Variants in POLR3C observed in about 807,000 individuals in gnomAD.
POLR3C encodes the protein RNA polymerase III subunit C.
Under a neutral mutation model 65.9 loss-of-function variants are expected in POLR3C, and 44 were observed. The ratio of observed to expected loss-of-function variants is 0.67; its 90% CI spans 0.52 to 0.86. The LOEUF is 0.86. Among genes scored for constraint, POLR3C ranks in the 40% least tolerant of loss-of-function variants. The probability of loss-of-function intolerance (pLI) is 0.00; values close to 1 mark genes in which losing one functional copy is unlikely to be tolerated. For synonymous variants in POLR3C, 263 were observed against 231.6 expected (o/e 1.14, Z -1.23); for missense variants, 576 against 653.2 (o/e 0.88, Z 1.29).
chr1:145,833,668 G>T, intron 7 of POLR3C, 86 bp downstream of exon 7: 1 of 898,078 alleles, frequency 1.1e-6, no homozygotes, highest in Admixed American at 1.7e-5. Flanking sequence ...AGTTTGGGTT[G>T]AGGTCTGAGC....
At chr1:145,835,783 A>G (rs962781722) in intron 7 of POLR3C, among the ~76,000 whole-genome samples, 2 of 152,144 alleles carry the variant, frequency 1.3e-5, no homozygotes, top group Non-Finnish European at 2.9e-5. Context: ...TGTGTTGGCC[A>G]GGCTGGTCTC....
chr1:145,826,041 C>A (rs1015139504), intron 2 of POLR3C, 118 bp downstream of exon 2: 7 of 781,630 alleles, frequency 9.0e-6, no homozygotes, highest in South Asian at 8.8e-5. Context: ...GCCCTTGGAG[C>A]AGAACAATGT....
rs781870762 is a variant in POLR3C at position 145,833,283 on chromosome 1, T to C, written c.702T>C (p.Tyr234=). The change falls in exon 6 of 15, where the codon TAT becomes TAC. Residue 234 remains tyrosine (Y), a synonymous_variant. Transcript: ENST00000334163. ...AGCCCATTCCAGATGATGGGATTTA[T>C]TGGCAGGCCAACCTTGACAGATTCC... is the stretch of plus-strand genomic sequence containing the variant. ...NKEPIPDDGI[Y]WQANLDRFHQ... 2.5e-6 allele frequency: 4 copies of C among 1,612,424 alleles called. No individual in the cohort carries two copies. The highest frequency in any genetic ancestry group is 3.4e-6 in the Non-Finnish European group (4 of 1,178,596).
At position 145,844,337 on chromosome 1, in the gene POLR3C, T is replaced by C. The variant is rs1049531549; in HGVS notation, c.*1917T>C. Reference sequence around the variant, plus strand: ...ATAAGAATGAATGAAATCCTGTCATTGGCAGCAACATGGATGGAATTGGAG... The same window carrying C: ...ATAAGAATGAATGAAATCCTGTCATCGGCAGCAACATGGATGGAATTGGAG... On this transcript the variant is annotated 3_prime_UTR_variant, in exon 15 of 15. Transcript: ENST00000334163. Among the ~76,000 whole-genome samples the C allele has an allele frequency of 4.6e-5, 7 of 152,202 alleles. No homozygotes were observed. Among genetic ancestry groups the C allele is most frequent in the African/African-American group, 1.2e-4 (5 of 41,442 alleles).
chr1:145,844,165 A>AT lies in POLR3C; in HGVS notation c.*1746dup, dbSNP rs1553731482. ...AGCAGTTCCACTACTGGGTATATAT[A>AT]TATCTCCAAAAGGAAAGAAATCAAT... On this transcript the variant is annotated 3_prime_UTR_variant, in exon 15 of 15. Coordinates refer to ENST00000334163, the MANE Select transcript of POLR3C (RefSeq NM_006468.8). Among the ~76,000 whole-genome samples, 2 of 152,212 alleles carry AT rather than the reference A, an allele frequency of 1.3e-5. No homozygotes were observed. Among genetic ancestry groups the AT allele is most frequent in the Non-Finnish European group, 2.9e-5 (2 of 68,034 alleles).
At chr1:145,833,003 C>G (rs587766895) in intron 5 of POLR3C, among the ~76,000 whole-genome samples, 1 of 151,950 alleles carries the variant, frequency 6.6e-6, no homozygotes, top group Non-Finnish European at 1.5e-5. Flanking sequence ...GCCTGGGTGA[C>G]GAGCAAAACT....
intron 5 of POLR3C, among the ~76,000 whole-genome samples, chr1:145,830,565 C>G (rs1033915306): frequency 6.7e-6 from 1 of 149,094 alleles, no homozygotes; most frequent in Non-Finnish European, 1.5e-5. Flanking sequence ...TTTGGGAGGC[C>G]GAGGTAGGTG....
chr1:145,826,867 C>A lies in POLR3C; in HGVS notation c.451C>A (p.Leu151Met). 1 of 1,612,216 alleles carries A rather than the reference C, an allele frequency of 6.2e-7. No individual in the cohort carries two copies. The highest frequency in any genetic ancestry group is 8.5e-7 in the Non-Finnish European group (1 of 1,179,294). The change falls in exon 4 of 15, where the codon CTG (leucine) becomes ATG (methionine). Residue 151 changes from leucine to methionine, a missense_variant. Coordinates refer to ENST00000334163, the MANE Select transcript of POLR3C (RefSeq NM_006468.8). ...YAEVSNTFVR[L>M]ADTHFVQRCP... ...TGAAGTATCAAACACATTTGTGCGA[C>A]TGGCAGACACACACTTTGTACAACG...
chr1:145,824,311 C>G lies in POLR3C; in HGVS notation c.-79C>G. 1 of 310,658 alleles carries G rather than the reference C, an allele frequency of 3.2e-6. No homozygotes were observed. Among genetic ancestry groups the G allele is most frequent in the South Asian group, 2.5e-5 (1 of 40,060 alleles). The allele number at this position is 310,658 out of a possible 1,614,324, so 19.2% of individuals were successfully genotyped here. A position where few individuals can be genotyped will look rare whatever the true frequency, so the allele number is the denominator to read the frequency against. ...GAAGGCCAGCGGGAGCCGTAGGAAG[C>G]CGTCGCGGGAAGCTCAGCCGAATTG... On this transcript the variant is annotated 5_prime_UTR_variant, in exon 1 of 15. Transcript: ENST00000334163.
At chr1:145,837,205 G>T (rs587774018) in intron 9 of POLR3C, among the ~76,000 whole-genome samples, 2 of 152,250 alleles carry the variant, frequency 1.3e-5, no homozygotes, top group East Asian at 3.9e-4. Context: ...TCCTCAGGAG[G>T]CTGAGGTGGG....
intron 4 of POLR3C, 97 bp from the exon 5 acceptor site, chr1:145,828,652 C>T: frequency 3.6e-6 from 3 of 841,430 alleles, no homozygotes; most frequent in Admixed American, 1.8e-5. Context: ...GAGGCAGCTA[C>T]AGATGTCTTT....
intron 4 of POLR3C, among the ~76,000 whole-genome samples, chr1:145,827,798 T>A (rs1650909412): frequency 6.8e-6 from 1 of 146,104 alleles, no homozygotes; most frequent in Admixed American, 6.8e-5. Flanking sequence ...TATGGTGGCA[T>A]ACGCCTGTAA....
chr1:145,843,960 A>C lies in POLR3C; in HGVS notation c.*1540A>C, dbSNP rs1553731417. 6.6e-6 allele frequency among the ~76,000 whole-genome samples: 1 copy of C among 152,234 alleles called. No homozygotes were observed. Among genetic ancestry groups the C allele is most frequent in the Non-Finnish European group, 1.5e-5 (1 of 68,042 alleles). On this transcript the variant is annotated 3_prime_UTR_variant, in exon 15 of 15. Transcript: ENST00000334163. ...CACTAATCAGAGAAATGGAAATCAA[A>C]ATCAATGAGATAACATCTCACCCCA...
In POLR3C at chr1:145,836,505, C is replaced by T; in HGVS notation, c.888C>T (p.Ser296=). Reference sequence around the variant, plus strand: ...CCTTTGCTCCATAGATCTTCAGATCCCTACCTGTTGGCTATAACATCTCTA... The same window carrying T: ...CCTTTGCTCCATAGATCTTCAGATCTCTACCTGTTGGCTATAACATCTCTA... ...QPLSSNEIFR[S]LPVGYNISKQ... is the part of the protein sequence containing the mutation. The change falls in exon 8 of 15, where the codon TCC becomes TCT. Residue 296 remains serine (S), a synonymous_variant. Transcript: ENST00000334163. 1 of 1,593,534 alleles carries T rather than the reference C, an allele frequency of 6.3e-7. No individual in the cohort carries two copies. The highest frequency in any genetic ancestry group is 1.3e-5 in the African/African-American group (1 of 74,642).
Position 145,842,700 on chromosome 1 carries a change from A to G in POLR3C, c.*280A>G, listed in dbSNP as rs1443154356. ...TCCCATAAAGAAGTTACCCACACCTATGGTTACCTATATCCCTGGCAATAG... is the reference window on the plus strand; with the variant it reads ...TCCCATAAAGAAGTTACCCACACCTGTGGTTACCTATATCCCTGGCAATAG... On this transcript the variant is annotated 3_prime_UTR_variant, in exon 15 of 15. Coordinates refer to ENST00000334163, the MANE Select transcript of POLR3C (RefSeq NM_006468.8). Among the ~76,000 whole-genome samples the G allele has an allele frequency of 1.3e-5, 2 of 152,096 alleles. No individual in the cohort carries two copies. The highest frequency in any genetic ancestry group is 4.1e-4 in the South Asian group (2 of 4,834).
Position 145,836,573 on chromosome 1 carries a change from C to CT in POLR3C, c.956_957insT (p.Leu320ThrfsTer21). ...TATCTCACTCTGCTGGCAGATGATC[C>CT]AGTAAGTCTGTTTTTGCTTTTTTTC... On this transcript the variant is annotated frameshift_variant and splice_region_variant, in exon 8 of 15. Transcript: ENST00000334163. LOFTEE classifies it high-confidence loss of function. 1 of 1,592,690 alleles carries CT rather than the reference C, an allele frequency of 6.3e-7. No individual in the cohort carries two copies. Among genetic ancestry groups the CT allele is most frequent in the Non-Finnish European group, 8.6e-7 (1 of 1,160,588 alleles).
intron 2 of POLR3C, 82 bp from the exon 3 acceptor site, chr1:145,826,372 G>C: frequency 1.7e-6 from 2 of 1,211,582 alleles, no homozygotes; most frequent in Non-Finnish European, 2.4e-6. Flanking sequence ...TGCTTACTAA[G>C]CTGTTGGACA....
intron 5 of POLR3C, among the ~76,000 whole-genome samples, chr1:145,830,907 C>G (rs1209655688): frequency 6.6e-6 from 1 of 151,590 alleles, no homozygotes; most frequent in Non-Finnish European, 1.5e-5. Context: ...AGTTTGAGAC[C>G]AGCCTGGACA....
chr1:145,824,599 T>A, intron 1 of POLR3C: 1 of 1,099,480 alleles, frequency 9.1e-7, no homozygotes, highest in Non-Finnish European at 1.2e-6. Flanking sequence ...AGACTTGGCT[T>A]CTTAGGAATT....
Sources: gnomAD v4.1 joint callset for allele counts (sites outside exome capture counted in the v4.1 genomes callset) on GRCh38, gnomAD v4.1.1 for gene constraint, MANE v1.5 for transcripts, NCBI Gene and HGNC (gene_info 2026-07-23, HGNC 2026-07-21) for gene names.